SORCS3: variants seen among roughly 807,000 people sequenced by gnomAD.
The protein encoded by SORCS3 is VPS10 domain-containing receptor SorCS3.
Under a neutral mutation model 146.3 loss-of-function variants are expected in SORCS3, and 57 were observed. The ratio of observed to expected loss-of-function variants is 0.39; its 90% CI spans 0.31 to 0.49. The LOEUF is 0.49. Among genes scored for constraint, SORCS3 ranks in the 20% least tolerant of loss-of-function variants. The pLI, the probability that SORCS3 is intolerant of heterozygous loss-of-function variation, is 0.92. For synonymous variants in SORCS3, 653 were observed against 618.5 expected (o/e 1.06, Z -0.83); for missense variants, 1,341 against 1,575.5 (o/e 0.85, Z 2.52).
rs1450887181 is a variant in SORCS3 at position 105,178,139 on chromosome 10, C to A, written c.1975C>A (p.Leu659Met). The A allele has an allele frequency of 6.2e-7, 1 of 1,613,534 alleles. No homozygotes were observed. ...TSVPLFVDGA[L>M]VEAGMETHIM... ...GGTTCCTCTCTTTGTTGACGGGGCT[C>A]TGGTGGAGGCAGGAATGGAGACCCA... Residue 659 changes from leucine to methionine, a missense_variant, in exon 14 of 27, where the codon CTG becomes ATG. Transcript: ENST00000369701.
rs549260512 is a variant in SORCS3, at chr10:105,109,566, C to G, written c.1212+4051C>G. ...TCTTGAATGCTGAAAATATGTTTGT[C>G]TGTATCTTTTTATATTTTAATATCA... On this transcript the variant is annotated intron_variant, in intron 7 of 26. Coordinates refer to ENST00000369701, the MANE Select transcript of SORCS3 (RefSeq NM_014978.3). Among the ~76,000 whole-genome samples, 4 of 152,040 alleles carry G rather than the reference C, an allele frequency of 2.6e-5. 1 individual carries two copies. The South Asian group carries it at 8.3e-4, about 31-fold the overall frequency.
rs752889297 is a variant in SORCS3, at chr10:105,147,641, G to A, written c.1327G>A (p.Glu443Lys). ...PKDMHIISTD[E>K]NQVFAAVQEW... is the part of the protein sequence containing the mutation. Reference sequence around the variant, plus strand: ...GGACATGCACATCATCAGTACAGACGAGAACCAAGTATTTGCTGCGGTCCA... The same window carrying A: ...GGACATGCACATCATCAGTACAGACAAGAACCAAGTATTTGCTGCGGTCCA... Residue 443 changes from glutamate to lysine, a missense_variant, in exon 9 of 27, where the codon GAG becomes AAG. Coordinates refer to ENST00000369701, the MANE Select transcript of SORCS3 (RefSeq NM_014978.3). The A allele has an allele frequency of 2.3e-5, 37 of 1,612,602 alleles. No individual in the cohort carries two copies. The highest frequency in any genetic ancestry group is 2.3e-4 in the African/African-American group (17 of 74,828).
chr10:105,178,513 G>T (rs2056422687), intron 14 of SORCS3, among the ~76,000 whole-genome samples: 1 of 152,070 alleles, frequency 6.6e-6, no homozygotes, highest in Non-Finnish European at 1.5e-5. Flanking sequence ...TGGGAGATAA[G>T]GAGCAGGGGC....
intron 1 of SORCS3, among the ~76,000 whole-genome samples, chr10:104,827,728 G>A (rs1008725437): frequency 2.0e-5 from 3 of 152,140 alleles, no homozygotes; most frequent in Non-Finnish European, 2.9e-5. Context: ...GTCCCAGATG[G>A]CATCTTCTTC....
At chr10:104,777,236 A>C (rs1321947518) in intron 1 of SORCS3, among the ~76,000 whole-genome samples, 1 of 152,194 alleles carries the variant, frequency 6.6e-6, no homozygotes, top group East Asian at 1.9e-4. Context: ...CAAATAAGGA[A>C]ACCGATACCC....
chr10:105,076,947 T>C (rs1435230416), intron 5 of SORCS3, among the ~76,000 whole-genome samples: 1 of 152,200 alleles, frequency 6.6e-6, no homozygotes, highest in Non-Finnish European at 1.5e-5. Flanking sequence ...TGCCAGCATA[T>C]GACATGGTGG....
chr10:105,224,484 A>C (rs1028406751), intron 20 of SORCS3, among the ~76,000 whole-genome samples: 1 of 152,172 alleles, frequency 6.6e-6, no homozygotes, highest in Non-Finnish European at 1.5e-5. Flanking sequence ...TTATCCATTC[A>C]CTCATTGAAG....
intron 2 of SORCS3, among the ~76,000 whole-genome samples, 193 bp downstream of exon 2, chr10:104,843,052 G>T (rs192027142): frequency 2.8e-4 from 42 of 152,282 alleles, no homozygotes; most frequent in East Asian, 2.7e-3. Context: ...TCTCTTTTGG[G>T]ACCTGTTGCA....
chr10:105,142,121 C>G (rs1473970258), intron 8 of SORCS3, among the ~76,000 whole-genome samples: 1 of 152,128 alleles, frequency 6.6e-6, no homozygotes, highest in Non-Finnish European at 1.5e-5. Flanking sequence ...CCACGCTGAG[C>G]CTGATATACC....
intron 3 of SORCS3, among the ~76,000 whole-genome samples, chr10:104,926,306 C>T (rs895501385): frequency 2.7e-4 from 41 of 152,236 alleles, no homozygotes; most frequent in African/African-American, 9.2e-4. Context: ...GAAATGGTCC[C>T]ACTTTTGTTA....
intron 1 of SORCS3, among the ~76,000 whole-genome samples, chr10:104,800,030 T>C (rs1202001336): frequency 1.3e-5 from 2 of 152,072 alleles, no homozygotes; most frequent in Non-Finnish European, 1.5e-5. Context: ...ACAAAAAAAT[T>C]ACATGGATGT....
intron 4 of SORCS3, among the ~76,000 whole-genome samples, chr10:105,038,140 C>T (rs2055318052): frequency 6.6e-6 from 1 of 152,120 alleles, no homozygotes. Context: ...CTCGATTGGT[C>T]TCTGGTAATG....
intron 1 of SORCS3, among the ~76,000 whole-genome samples, chr10:104,778,158 T>C (rs2017331445): frequency 6.6e-6 from 1 of 152,204 alleles, no homozygotes; most frequent in East Asian, 1.9e-4. Context: ...TCTTAGACGA[T>C]GGATATCCCA....
In SORCS3 at chr10:104,888,455, G is replaced by A. The variant is rs570704785; in HGVS notation, c.696-27378G>A. Among the ~76,000 whole-genome samples, 508 of 152,248 alleles carry A rather than the reference G, an allele frequency of 3.3e-3. 2 individuals carry two copies. The highest frequency in any genetic ancestry group is 0.018 in the South Asian group (89 of 4,822). On this transcript the variant is annotated intron_variant, in intron 2 of 26. Coordinates refer to ENST00000369701, the MANE Select transcript of SORCS3 (RefSeq NM_014978.3). ...AGTAGGAGAGTCCATTGTTTTCCAT[G>A]TTTCTAAAAACATGTGATCTACATG...
intron 1 of SORCS3, among the ~76,000 whole-genome samples, chr10:104,644,698 A>G (rs1202996059): frequency 6.6e-6 from 1 of 152,192 alleles, no homozygotes; most frequent in Non-Finnish European, 1.5e-5. Flanking sequence ...TTTATCTTTT[A>G]TTCTGGCTTC....
intron 9 of SORCS3, among the ~76,000 whole-genome samples, 185 bp downstream of exon 9, chr10:105,147,981 A>G (rs1250343270): frequency 3.3e-5 from 5 of 152,088 alleles, no homozygotes; most frequent in Admixed American, 6.6e-5. Context: ...ATATTTACCA[A>G]GGAGATTATT....
chr10:104,920,766 C>T (rs1009076881), intron 3 of SORCS3, among the ~76,000 whole-genome samples: 1 of 152,174 alleles, frequency 6.6e-6, no homozygotes, highest in African/African-American at 2.4e-5. Flanking sequence ...TTATAATTCC[C>T]TGTCTAAATG....
intron 5 of SORCS3, among the ~76,000 whole-genome samples, chr10:105,046,929 A>G (rs1049304155): frequency 6.6e-6 from 1 of 152,228 alleles, no homozygotes; most frequent in African/African-American, 2.4e-5. Flanking sequence ...TGTAATTTGC[A>G]TGGAGAGCAG....
At chr10:105,232,219 T>C (rs2056769589) in intron 20 of SORCS3, among the ~76,000 whole-genome samples, 1 of 152,178 alleles carries the variant, frequency 6.6e-6, no homozygotes, top group African/African-American at 2.4e-5. Context: ...ATTTATTTAA[T>C]AGATATAGTT....
Sources: gnomAD v4.1 joint callset for allele counts (sites outside exome capture counted in the v4.1 genomes callset) on GRCh38, gnomAD v4.1.1 for gene constraint, MANE v1.5 for transcripts, NCBI Gene and HGNC (gene_info 2026-07-23, HGNC 2026-07-21) for gene names.